HSF5: variants seen among roughly 807,000 people sequenced by gnomAD.
HSF5 encodes the protein heat shock factor protein 5.
HSF5 carries 5 observed loss-of-function variants against 50.8 expected under a neutral mutation model. That is an observed-to-expected ratio of 0.10 (90% CI 0.05 to 0.21). The LOEUF (loss-of-function observed/expected upper bound fraction) is 0.21, where lower values mean the gene tolerates loss of function less well. HSF5 is among the 10% of genes least tolerant of loss of function. The probability of loss-of-function intolerance (pLI) is 1.00; values close to 1 mark genes in which losing one functional copy is unlikely to be tolerated. For synonymous variants in HSF5, 307 were observed against 307.4 expected (o/e 1.00, Z 0.02); for missense variants, 564 against 762.6 (o/e 0.74, Z 3.07).
chr17:58,476,890 G>T, intron 2 of HSF5: 1 of 1,140,230 alleles, frequency 8.8e-7, no homozygotes. Flanking sequence ...CTGAGGTCTC[G>T]TCGGCCCTGT....
chr17:58,470,503 T>A (rs1378854799), intron 2 of HSF5, among the ~76,000 whole-genome samples: 1 of 152,128 alleles, frequency 6.6e-6, no homozygotes, highest in Admixed American at 6.6e-5. Context: ...TACCAGGGGT[T>A]GGGGGAAACT....
chr17:58,450,705 A>T (rs541443931), intron 5 of HSF5, among the ~76,000 whole-genome samples: 21 of 150,132 alleles, frequency 1.4e-4, no homozygotes, highest in Non-Finnish European at 3.0e-5. Context: ...GTGAGCCAAG[A>T]TCGCGCCATT....
chr17:58,462,861 A>G lies in HSF5; in HGVS notation c.1463T>C (p.Leu488Pro), dbSNP rs1974811369. 6.2e-7 allele frequency: 1 copy of G among 1,614,158 alleles called. No individual in the cohort carries two copies. Among genetic ancestry groups the G allele is most frequent in the Non-Finnish European group, 8.5e-7 (1 of 1,180,016 alleles). Reference protein sequence around the residue: ...SAAIQQAHVKLKEHLNHNPSP... With the variant: ...SAAIQQAHVKPKEHLNHNPSP... ...TGGATTATGATTTAGGTGCTCCTTC[A>G]GTTTGACATGAGCTTGCTGGATGGC... The change falls in exon 4 of 6, where the codon CTG (leucine) becomes CCG (proline). Residue 488 changes from leucine to proline, a missense_variant. Leu to Pro is a moderately conservative substitution (Grantham distance 98). This residue lies in a region of HSF5 where 441 missense variants were observed against 533.6 expected (regional missense o/e 0.83). Coordinates refer to ENST00000323777, the MANE Select transcript of HSF5 (RefSeq NM_001080439.3).
intron 2 of HSF5, among the ~76,000 whole-genome samples, chr17:58,470,018 T>C (rs1256123172): frequency 2.0e-5 from 3 of 152,194 alleles, no homozygotes; most frequent in Admixed American, 6.5e-5. Context: ...TCCAGAATAG[T>C]ATAATGTCAA....
chr17:58,476,325 G>T, intron 2 of HSF5: 1 of 1,102,772 alleles, frequency 9.1e-7, no homozygotes, highest in Non-Finnish European at 1.4e-6. Flanking sequence ...TACCATCTTT[G>T]ATGACCTCTC....
At chr17:58,483,700 G>A (rs937681743) in intron 1 of HSF5, among the ~76,000 whole-genome samples, 10 of 152,046 alleles carry the variant, frequency 6.6e-5, no homozygotes, top group South Asian at 2.1e-4. Context: ...AACAAATATC[G>A]TATAAAATAA....
chr17:58,482,400 C>T (rs1975109987), intron 1 of HSF5, among the ~76,000 whole-genome samples: 1 of 152,014 alleles, frequency 6.6e-6, no homozygotes, highest in South Asian at 2.1e-4. Context: ...GAATTTCAGA[C>T]CAGCATGGGC....
chr17:58,445,179 CA>C (rs1974543572), intron 5 of HSF5, among the ~76,000 whole-genome samples: 1 of 152,092 alleles, frequency 6.6e-6, no homozygotes, highest in African/African-American at 2.4e-5. Flanking sequence ...AATAGTATAG[CA>C]GCTATGAAAA....
At chr17:58,425,373 T>C (rs1974280941) in intron 5 of HSF5, among the ~76,000 whole-genome samples, 1 of 149,926 alleles carries the variant, frequency 6.7e-6, no homozygotes, top group Non-Finnish European at 1.5e-5. Context: ...GTCATTGCAC[T>C]CCAGCCTGGG....
intron 5 of HSF5, among the ~76,000 whole-genome samples, chr17:58,445,718 C>T (rs913383595): frequency 6.6e-6 from 1 of 151,890 alleles, no homozygotes; most frequent in African/African-American, 2.4e-5. Flanking sequence ...TACTAGGAGC[C>T]AGGGGAAGGA....
chr17:58,462,941 G>C lies in HSF5; in HGVS notation c.1383C>G (p.Ile461Met). ...CAGGCTGAGCTGTGTGGATGGTATA[G>C]ATGTACTCAGGTGACTGTGGTAGAG... ...ACSLPQSPEY[I>M]YTIHTAQPVE... Residue 461 changes from isoleucine to methionine, a missense_variant, in exon 4 of 6, where the codon ATC becomes ATG. Physicochemically the swap from Ile to Met is conservative, Grantham distance 10. Transcript: ENST00000323777. 2 of 1,614,192 alleles carry C rather than the reference G, an allele frequency of 1.2e-6. No individual in the cohort carries two copies. Among genetic ancestry groups the C allele is most frequent in the Non-Finnish European group, 1.7e-6 (2 of 1,180,028 alleles).
intron 3 of HSF5, among the ~76,000 whole-genome samples, chr17:58,466,606 A>G (rs905150375): frequency 3.3e-5 from 5 of 152,224 alleles, no homozygotes; most frequent in Admixed American, 1.3e-4. Flanking sequence ...TGTGACTAGT[A>G]TAACTGAGGA....
chr17:58,454,830 C>G (rs2143769039), intron 5 of HSF5, among the ~76,000 whole-genome samples: 1 of 152,130 alleles, frequency 6.6e-6, no homozygotes, highest in South Asian at 2.1e-4. Flanking sequence ...TTGAAGAGGT[C>G]ACAAATAAAT....
chr17:58,428,392 G>A (rs554499160), intron 5 of HSF5, among the ~76,000 whole-genome samples: 2 of 152,220 alleles, frequency 1.3e-5, no homozygotes, highest in South Asian at 4.2e-4. Flanking sequence ...AGGCGCGGTG[G>A]CTCACGTCTG....
At chr17:58,447,039 C>T (rs1260882571) in intron 5 of HSF5, among the ~76,000 whole-genome samples, 1 of 152,096 alleles carries the variant, frequency 6.6e-6, no homozygotes, top group Non-Finnish European at 1.5e-5. Flanking sequence ...GCAGGAGAAT[C>T]GCTTGAACCT....
At chr17:58,432,783 G>C (rs916667012) in intron 5 of HSF5, among the ~76,000 whole-genome samples, 1 of 152,184 alleles carries the variant, frequency 6.6e-6, no homozygotes, top group African/African-American at 2.4e-5. Flanking sequence ...GCCAAGAGCA[G>C]AAGCAGAAAA....
In HSF5 at chr17:58,487,966, T is replaced by A. The variant is rs746081240; in HGVS notation, c.309A>T (p.Ala103=). Residue 103 remains alanine, a synonymous_variant, in exon 1 of 6, where the codon GCA becomes GCT. Transcript: ENST00000323777. ...VLGGPGGGKP[A]GNGPLHHFHN... ...GGAAGTGATGGAGCGGCCCATTGCC[T>A]GCCGGTTTGCCGCCCCCCGGCCCGC... The A allele has an allele frequency of 3.1e-6, 5 of 1,611,130 alleles. No individual in the cohort carries two copies. Among genetic ancestry groups the A allele is most frequent in the Middle Eastern group, 1.7e-4 (1 of 5,872 alleles).
At chr17:58,456,552 G>A (rs1198390604) in intron 5 of HSF5, among the ~76,000 whole-genome samples, 1 of 151,996 alleles carries the variant, frequency 6.6e-6, no homozygotes, top group Non-Finnish European at 1.5e-5. Flanking sequence ...TAGAAGAAAA[G>A]GTTTAGAGTG....
intron 3 of HSF5, among the ~76,000 whole-genome samples, chr17:58,466,440 A>G (rs925456473): frequency 1.3e-5 from 2 of 152,228 alleles, no homozygotes; most frequent in African/African-American, 4.8e-5. Context: ...TTCAGCAATG[A>G]TGGGAATGTT....
Sources: gnomAD v4.1 joint callset for allele counts (sites outside exome capture counted in the v4.1 genomes callset) on GRCh38, gnomAD v4.1.1 for gene constraint, gnomAD v4.1.1 regional missense constraint, MANE v1.5 for transcripts, NCBI Gene and HGNC (gene_info 2026-07-23, HGNC 2026-07-21) for gene names.